FIZ1: variants seen among roughly 807,000 people sequenced by gnomAD.
The protein encoded by FIZ1 is FLT3 interacting zinc finger 1, also known as flt3-interacting zinc finger protein 1.
In FIZ1, 2 loss-of-function variants were observed where a neutral mutation model predicts 5.3. The ratio of observed to expected loss-of-function variants is 0.37; its 90% CI spans 0.15 to 1.18. The LOEUF (loss-of-function observed/expected upper bound fraction) is 1.18. Among genes scored for constraint, FIZ1 ranks in the 50% most tolerant of loss-of-function variants. FIZ1 has a pLI of 0.37. For synonymous variants in FIZ1, 407 were observed against 364.2 expected (o/e 1.12, Z -1.34); for missense variants, 631 against 749.7 (o/e 0.84, Z 1.85).
intron 2 of FIZ1, among the ~76,000 whole-genome samples, chr19:55,594,164 G>C (rs1372812732): frequency 2.0e-5 from 3 of 151,836 alleles, no homozygotes; most frequent in African/African-American, 7.3e-5. Flanking sequence ...TGAAGTGGGT[G>C]GATCATTTGA....
In FIZ1 at chr19:55,592,421, T is replaced by G; in HGVS notation, c.*29A>C. 3 of 1,514,412 alleles carry G rather than the reference T, an allele frequency of 2.0e-6. No individual in the cohort carries two copies. Among genetic ancestry groups the G allele is most frequent in the Admixed American group, 2.1e-5 (1 of 48,694 alleles). The allele number at this position is 1,514,412 out of a possible 1,614,324, so 93.8% of individuals were successfully genotyped here. A position where few individuals can be genotyped will look rare whatever the true frequency, so the allele number is the denominator to read the frequency against. On this transcript the variant is annotated 3_prime_UTR_variant, in exon 3 of 3. Transcript: ENST00000221665. This position sits in a 1 kb window ranked among gnomAD's most constrained non-coding sequence, Gnocchi z 6.9. ...TCCAGGCCGAGTCCAGGAGGCTGGG[T>G]GGAGGGCAGGGCGCACGCAGCCTGG...
chr19:55,593,290 G>A lies in FIZ1; in HGVS notation c.651C>T (p.Ala217=). 7.9e-7 allele frequency: 1 copy of A among 1,262,554 alleles called. No individual in the cohort carries two copies. The highest frequency in any genetic ancestry group is 1.0e-6 in the Non-Finnish European group (1 of 996,804). 78.2% of individuals were successfully genotyped at this position (1,262,554 alleles called of 1,614,324 possible). ...RRFDHGRELA[A]HWAAHTDVKP... is the part of the protein sequence containing the mutation. Reference sequence around the variant, plus strand: ...TCACGTCGGTGTGCGCCGCCCAGTGGGCCGCCAGCTCGCGGCCGTGGTCGA... The same window carrying A: ...TCACGTCGGTGTGCGCCGCCCAGTGAGCCGCCAGCTCGCGGCCGTGGTCGA... The change falls in exon 3 of 3, where the codon GCC becomes GCT. Residue 217 remains alanine, a synonymous_variant. Coordinates refer to ENST00000221665, the MANE Select transcript of FIZ1 (RefSeq NM_032836.3). The surrounding 1 kb of genome is among the most constrained non-coding windows in gnomAD (Gnocchi z 6.3).
chr19:55,592,992 G>A lies in FIZ1; in HGVS notation c.949C>T (p.Pro317Ser), dbSNP rs1460297572. The A allele has an allele frequency of 2.6e-6, 4 of 1,520,304 alleles. No individual in the cohort carries two copies. The highest frequency in any genetic ancestry group is 1.8e-6 in the Non-Finnish European group (2 of 1,142,402). The allele number at this position is 1,520,304 out of a possible 1,614,324, so 94.2% of individuals were successfully genotyped here. A position where few individuals can be genotyped will look rare whatever the true frequency, so the allele number is the denominator to read the frequency against. Residue 317 changes from proline (P) to serine (S), a missense_variant, in exon 3 of 3, where the codon CCT becomes TCT. Coordinates refer to ENST00000221665, the MANE Select transcript of FIZ1 (RefSeq NM_032836.3). The surrounding 1 kb of genome is among the most constrained non-coding windows in gnomAD (Gnocchi z 6.9). The stretch of plus-strand genomic sequence containing the variant: ...GGCTCGGCGGCCGCCGCAGGTGCAG[G>A]CGCCTCCCCACCGCCCTCGGGGAGC... ...GLLPEGGGEA[P>S]APAAAAEPSE... is the part of the protein sequence containing the mutation.
rs1980114935 is a variant in FIZ1, at chr19:55,593,103, C to T, written c.838G>A (p.Ala280Thr). 28 of 1,307,020 alleles carry T rather than the reference C, an allele frequency of 2.1e-5. No homozygotes were observed. The Admixed American group carries it at 2.5e-4, about 12-fold the overall frequency. 81.0% of individuals were successfully genotyped at this position (1,307,020 alleles called of 1,614,324 possible). The stretch of plus-strand genomic sequence containing the variant: ...GCCAGAGGAGCGTCGCCCGCCTCCG[C>T]AGCGGTGCCTTCGCCCGCCGTCTCG... The part of the protein sequence containing the change: ...GPETAGEGTA[A>T]EAGDAPLASD... The change falls in exon 3 of 3, where the codon GCG (alanine) becomes ACG (threonine). Residue 280 changes from alanine to threonine, a missense_variant. Transcript: ENST00000221665. This position sits in a 1 kb window ranked among gnomAD's most constrained non-coding sequence, Gnocchi z 6.3.
At position 55,597,904 on chromosome 19, in the gene FIZ1, G is replaced by A; in HGVS notation, c.-36-3C>T. The A allele has an allele frequency of 1.3e-6, 2 of 1,522,628 alleles. No individual in the cohort carries two copies. The highest frequency in any genetic ancestry group is 1.8e-6 in the Non-Finnish European group (2 of 1,133,028). 94.3% of individuals were successfully genotyped at this position (1,522,628 alleles called of 1,614,324 possible). ...ACAGTGGTATGTGGGGGCTCTCTCTGGAGTAGTGGGGAGACAGAGGAGCAG... is the reference window on the plus strand; with the variant it reads ...ACAGTGGTATGTGGGGGCTCTCTCTAGAGTAGTGGGGAGACAGAGGAGCAG... On this transcript the variant is annotated splice_region_variant and splice_polypyrimidine_tract_variant and intron_variant, in intron 1 of 2. Transcript: ENST00000221665.
Position 55,592,396 on chromosome 19 carries a change from T to C in FIZ1, c.*54A>G, listed in dbSNP as rs1980047528. 6.8e-7 allele frequency: 1 copy of C among 1,475,186 alleles called. No individual in the cohort carries two copies. Among genetic ancestry groups the C allele is most frequent in the South Asian group, 1.3e-5 (1 of 74,566 alleles). The allele number at this position is 1,475,186 out of a possible 1,614,324, so 91.4% of individuals were successfully genotyped here. ...CACGCGCAGTCCCGAGGTCCCCTGG[T>C]CCAGGCCGAGTCCAGGAGGCTGGGT... On this transcript the variant is annotated 3_prime_UTR_variant, in exon 3 of 3. Coordinates refer to ENST00000221665, the MANE Select transcript of FIZ1 (RefSeq NM_032836.3). The surrounding 1 kb of genome is among the most constrained non-coding windows in gnomAD (Gnocchi z 6.9).
At position 55,597,958 on chromosome 19, in the gene FIZ1, C is replaced by G. The variant is rs1000260260; in HGVS notation, c.-36-57G>C. Reference sequence around the variant, plus strand: ...AGGGGGTCGGCTCCCCATCAGCTCTCTCCTCCCAGGTTCCCAGACCCACCA... The same window carrying G: ...AGGGGGTCGGCTCCCCATCAGCTCTGTCCTCCCAGGTTCCCAGACCCACCA... On this transcript the variant is annotated intron_variant, in intron 1 of 2. Coordinates refer to ENST00000221665, the MANE Select transcript of FIZ1 (RefSeq NM_032836.3). The G allele has an allele frequency of 5.4e-6, 8 of 1,469,336 alleles. No individual in the cohort carries two copies. The Admixed American group carries it at 6.5e-5, about 12-fold the overall frequency. 91.0% of individuals were successfully genotyped at this position (1,469,336 alleles called of 1,614,324 possible). A position where few individuals can be genotyped will look rare whatever the true frequency, so the allele number is the denominator to read the frequency against.
Position 55,593,170 on chromosome 19 carries a change from C to G in FIZ1, c.771G>C (p.Ala257=). Residue 257 remains alanine (A), a synonymous_variant, in exon 3 of 3, where the codon GCG becomes GCC. Transcript: ENST00000221665. This position sits in a 1 kb window ranked among gnomAD's most constrained non-coding sequence, Gnocchi z 6.3. The part of the protein sequence containing the change: ...KLTHDLQGPG[A]PPAQAWAAGP... ...CCGCGGCCCAGGCCTGCGCTGGGGG[C>G]GCGCCCGGGCCCTGCAGGTCGTGCG... 8.6e-7 allele frequency: 1 copy of G among 1,157,222 alleles called. No homozygotes were observed. Among genetic ancestry groups the G allele is most frequent in the Non-Finnish European group, 1.1e-6 (1 of 936,046 alleles). The allele number at this position is 1,157,222 out of a possible 1,614,324, so 71.7% of individuals were successfully genotyped here.
In FIZ1 at chr19:55,593,037, C is replaced by T. The variant is rs140345372; in HGVS notation, c.904G>A (p.Val302Met). The change falls in exon 3 of 3, where the codon GTG (valine) becomes ATG (methionine). Residue 302 changes from valine to methionine, a missense_variant. Coordinates refer to ENST00000221665, the MANE Select transcript of FIZ1 (RefSeq NM_032836.3). The surrounding 1 kb of genome is among the most constrained non-coding windows in gnomAD (Gnocchi z 6.3). Reference protein sequence around the residue: ...RLLLGPAGGGVPKLGGLLPEG... With the variant: ...RLLLGPAGGGMPKLGGLLPEG... ...GGGAGCAGCCCCCCGAGCTTGGGCA[C>T]GCCGCCCCCCGCGGGGCCCAGGAGC... The T allele has an allele frequency of 7.1e-6, 10 of 1,407,706 alleles. No homozygotes were observed. The highest frequency in any genetic ancestry group is 2.4e-4 in the Middle Eastern group (1 of 4,204). The allele number at this position is 1,407,706 out of a possible 1,614,324, so 87.2% of individuals were successfully genotyped here.
chr19:55,593,142 GC>G lies in FIZ1; in HGVS notation c.798del (p.Pro267GlnfsTer223), dbSNP rs1373774199. The part of the protein sequence containing the change: ...GAPPAQAWAA[G>X]PGAGPETAGE... ...CCCGCCGTCTCGGGCCCTGCGCCTGGCCCCGCGGCCCAGGCCTGCGCTGGGG... is the reference window on the plus strand; with the variant it reads ...CCCGCCGTCTCGGGCCCTGCGCCTGGCCCGCGGCCCAGGCCTGCGCTGGGG... On this transcript the variant is annotated frameshift_variant, in exon 3 of 3. Coordinates refer to ENST00000221665, the MANE Select transcript of FIZ1 (RefSeq NM_032836.3). LOFTEE classifies it low-confidence loss of function (END_TRUNC). The surrounding 1 kb of genome is among the most constrained non-coding windows in gnomAD (Gnocchi z 6.3). 8.4e-7 allele frequency: 1 copy of G among 1,196,188 alleles called. No individual in the cohort carries two copies. The highest frequency in any genetic ancestry group is 1.0e-6 in the Non-Finnish European group (1 of 961,470). 74.1% of individuals were successfully genotyped at this position (1,196,188 alleles called of 1,614,324 possible).
At position 55,592,946 on chromosome 19, in the gene FIZ1, TG is replaced by T; in HGVS notation, c.994del (p.Gln332SerfsTer158). The T allele has an allele frequency of 6.4e-7, 1 of 1,553,422 alleles. No homozygotes were observed. Among genetic ancestry groups the T allele is most frequent in the Non-Finnish European group, 8.6e-7 (1 of 1,158,036 alleles). ...AAEPSEDTLY[Q>X]CDCGTFFASA... ...CGCAAAGAAGGTCCCGCAGTCGCACTGGTACAGGGTGTCTTCCGAGGGCTCG... is the reference window on the plus strand; with the variant it reads ...CGCAAAGAAGGTCCCGCAGTCGCACTGTACAGGGTGTCTTCCGAGGGCTCG... On this transcript the variant is annotated frameshift_variant, in exon 3 of 3. Coordinates refer to ENST00000221665, the MANE Select transcript of FIZ1 (RefSeq NM_032836.3). LOFTEE classifies it low-confidence loss of function (END_TRUNC). This position sits in a 1 kb window ranked among gnomAD's most constrained non-coding sequence, Gnocchi z 6.9.
At chr19:55,597,511 G>A (rs1479619076) in intron 2 of FIZ1, 61 bp downstream of exon 2, 9 of 1,547,822 alleles carry the variant, frequency 5.8e-6, no homozygotes, top group African/African-American at 4.1e-5. Context: ...ACAGTGGGGC[G>A]CGGGATCCCA....
In FIZ1 at chr19:55,597,882, G is replaced by A. The variant is rs1345657604; in HGVS notation, c.-17C>T. 3 of 1,561,304 alleles carry A rather than the reference G, an allele frequency of 1.9e-6. No individual in the cohort carries two copies. The highest frequency in any genetic ancestry group is 8.7e-7 in the Non-Finnish European group (1 of 1,153,382). ...GTCATCCATGGTGGCGGGGAATACA[G>A]TGGTATGTGGGGGCTCTCTCTGGAG... On this transcript the variant is annotated 5_prime_UTR_variant, in exon 2 of 3. Coordinates refer to ENST00000221665, the MANE Select transcript of FIZ1 (RefSeq NM_032836.3).
Position 55,593,169 on chromosome 19 carries a change from G to A in FIZ1, c.772C>T (p.Pro258Ser), listed in dbSNP as rs768915787. ...CCCGCGGCCCAGGCCTGCGCTGGGG[G>A]CGCGCCCGGGCCCTGCAGGTCGTGC... is the stretch of plus-strand genomic sequence containing the variant. ...LTHDLQGPGA[P>S]PAQAWAAGPG... The change falls in exon 3 of 3, where the codon CCC becomes TCC. Residue 258 changes from proline (P) to serine (S), a missense_variant. Pro to Ser is a moderately conservative substitution (Grantham distance 74, BLOSUM62 -1). Coordinates refer to ENST00000221665, the MANE Select transcript of FIZ1 (RefSeq NM_032836.3). The surrounding 1 kb of genome is among the most constrained non-coding windows in gnomAD (Gnocchi z 6.3). The A allele has an allele frequency of 2.2e-5, 25 of 1,157,242 alleles. No homozygotes were observed. In the South Asian group the frequency reaches 5.7e-4, roughly 26 times the overall value. The allele number at this position is 1,157,242 out of a possible 1,614,324, so 71.7% of individuals were successfully genotyped here. A position where few individuals can be genotyped will look rare whatever the true frequency, so the allele number is the denominator to read the frequency against.
chr19:55,593,277 G>A lies in FIZ1; in HGVS notation c.664C>T (p.His222Tyr). The change falls in exon 3 of 3, where the codon CAC (histidine) becomes TAC (tyrosine). Residue 222 changes from histidine (H) to tyrosine (Y), a missense_variant. Transcript: ENST00000221665. This position sits in a 1 kb window ranked among gnomAD's most constrained non-coding sequence, Gnocchi z 6.3. ...GRELAAHWAA[H>Y]TDVKPFKCPR... Reference sequence around the variant, plus strand: ...CACTTGAAGGGCTTCACGTCGGTGTGCGCCGCCCAGTGGGCCGCCAGCTCG... The same window carrying A: ...CACTTGAAGGGCTTCACGTCGGTGTACGCCGCCCAGTGGGCCGCCAGCTCG... 7.9e-7 allele frequency: 1 copy of A among 1,266,832 alleles called. No homozygotes were observed. The highest frequency in any genetic ancestry group is 1.0e-6 in the Non-Finnish European group (1 of 998,640). The allele number at this position is 1,266,832 out of a possible 1,614,324, so 78.5% of individuals were successfully genotyped here. A position where few individuals can be genotyped will look rare whatever the true frequency, so the allele number is the denominator to read the frequency against.
intron 2 of FIZ1, among the ~76,000 whole-genome samples, chr19:55,594,480 G>A (rs1980220336): frequency 6.6e-6 from 1 of 150,422 alleles, no homozygotes; most frequent in African/African-American, 2.5e-5. Context: ...GGCGGATCAT[G>A]AGGTCAGGAG....
chr19:55,598,046 ATCC>A, intron 1 of FIZ1, 145 bp from the exon 2 acceptor site: 2 of 964,514 alleles, frequency 2.1e-6, no homozygotes, highest in Non-Finnish European at 3.0e-6. Flanking sequence ...GTTCTTTAAA[ATCC>A]TCCTACTCTC....
rs1980042475 is a variant in FIZ1, at chr19:55,592,304, CCT to C, written c.*144_*145del. On this transcript the variant is annotated 3_prime_UTR_variant, in exon 3 of 3. Transcript: ENST00000221665. The surrounding 1 kb of genome is among the most constrained non-coding windows in gnomAD (Gnocchi z 6.9). ...CTTTGTGGGTTTTTGGTGGCCCCCA[CCT>C]CTCCAGTCAGGGTCCCCTCATTTCA... 1 of 870,750 alleles carries C rather than the reference CCT, an allele frequency of 1.1e-6. No individual in the cohort carries two copies. Among genetic ancestry groups the C allele is most frequent in the Non-Finnish European group, 1.7e-6 (1 of 593,430 alleles). 53.9% of individuals were successfully genotyped at this position (870,750 alleles called of 1,614,324 possible). A position where few individuals can be genotyped will look rare whatever the true frequency, so the allele number is the denominator to read the frequency against.
At position 55,592,852 on chromosome 19, in the gene FIZ1, G is replaced by A. The variant is rs1421070751; in HGVS notation, c.1089C>T (p.Cys363=). 1.3e-6 allele frequency: 2 copies of A among 1,547,402 alleles called. No homozygotes were observed. Among genetic ancestry groups the A allele is most frequent in the South Asian group, 1.2e-5 (1 of 86,258 alleles). Residue 363 remains cysteine, a synonymous_variant, in exon 3 of 3, where the codon TGC becomes TGT. Coordinates refer to ENST00000221665, the MANE Select transcript of FIZ1 (RefSeq NM_032836.3). The surrounding 1 kb of genome is among the most constrained non-coding windows in gnomAD (Gnocchi z 6.9). ...CGGCCAGCGCCGCGTACAGAGCCCC[G>A]CAGTGGCCGCAGCCGTAGGTGGCCG... The part of the protein sequence containing the change: ...SGPATYGCGH[C]GALYAALAAL...
Sources: allele counts gnomAD v4.1 joint callset (sites outside exome capture counted in the v4.1 genomes callset), GRCh38; gene constraint gnomAD v4.1.1; non-coding constraint Gnocchi (gnomAD v3.1); transcripts MANE v1.5; gene names NCBI Gene and HGNC (gene_info 2026-07-23, HGNC 2026-07-21).